The following FGF14 variants were observed in gnomAD, a reference collection of about 807,000 sequenced individuals.
FGF14 encodes the protein fibroblast growth factor homologous factor 4.
Under a neutral mutation model 25.5 loss-of-function variants are expected in FGF14, and 5 were observed. The ratio of observed to expected loss-of-function variants is 0.20; its 90% CI spans 0.10 to 0.41. The LOEUF is 0.41. Among genes scored for constraint, FGF14 ranks in the 10% least tolerant of loss-of-function variants. The pLI, the probability that FGF14 is intolerant of heterozygous loss-of-function variation, is 1.00. For synonymous variants in FGF14, 138 were observed against 118.3 expected, an observed-to-expected ratio of 1.17 and a Z score of -1.08; for missense variants, 222 against 320.1, an observed-to-expected ratio of 0.69 and a Z score of 2.34.
chr13:101,904,003 C>T (rs2031910036), intron 1 of FGF14, among the ~76,000 whole-genome samples: 1 of 152,216 alleles, frequency 6.6e-6, no homozygotes, highest in African/African-American at 2.4e-5. Flanking sequence ...CATATAATTG[C>T]TCTGGCAAAG....
intron 1 of FGF14, among the ~76,000 whole-genome samples, chr13:102,125,541 GTA>G (rs1013683235): frequency 1.3e-5 from 2 of 152,116 alleles, no homozygotes; most frequent in African/African-American, 4.8e-5. Flanking sequence ...AACTATTGCT[GTA>G]TGTGTGTCTC....
chr13:102,203,348 T>C (rs971917393), intron 1 of FGF14, among the ~76,000 whole-genome samples: 1 of 152,240 alleles, frequency 6.6e-6, no homozygotes, highest in African/African-American at 2.4e-5. Flanking sequence ...ACTTTTGTTA[T>C]AATTTTTATA....
intron 1 of FGF14, among the ~76,000 whole-genome samples, chr13:102,195,400 G>A (rs1203159904): frequency 2.0e-5 from 3 of 152,122 alleles, no homozygotes; most frequent in Non-Finnish European, 2.9e-5. Flanking sequence ...ATATACCACT[G>A]ACATTAAATT....
At chr13:102,234,430 A>T (rs2051234010) in intron 1 of FGF14, among the ~76,000 whole-genome samples, 1 of 75,812 alleles carries the variant, frequency 1.3e-5, no homozygotes, top group African/African-American at 5.8e-5. Flanking sequence ...GAAGATACTT[A>T]ATACCATGAA....
chr13:101,789,709 G>A (rs184598609), intron 3 of FGF14, among the ~76,000 whole-genome samples: 9 of 151,938 alleles, frequency 5.9e-5, no homozygotes, highest in East Asian at 1.9e-4. Flanking sequence ...GTGAGAAGAC[G>A]AATTTTAAAA....
chr13:102,171,892 GTT>G (rs11354485), intron 1 of FGF14, among the ~76,000 whole-genome samples: 5,987 of 145,850 alleles, frequency 0.041, 370 homozygotes, highest in African/African-American at 0.13. Flanking sequence ...AATATTCTAG[GTT>G]TTTTTTTTTT....
chr13:101,940,447 G>A (rs2035374294), intron 1 of FGF14, among the ~76,000 whole-genome samples: 1 of 152,192 alleles, frequency 6.6e-6, no homozygotes. Flanking sequence ...AGTACAGGCA[G>A]AGAGGGTGGC....
chr13:102,068,776 G>T lies in FGF14; in HGVS notation c.209-193480C>A, dbSNP rs2043019443. Among the ~76,000 whole-genome samples, 3 of 152,332 alleles carry T rather than the reference G, an allele frequency of 2.0e-5. No individual in the cohort carries two copies. The South Asian group carries it at 6.2e-4, about 32-fold the overall frequency. On this transcript the variant is annotated intron_variant, in intron 1 of 4. Coordinates refer to the FGF14 transcript ENST00000376131. ...TCCCACCCACTCCATGGGCTCCTGT[G>T]CGGCCCGAGCCTCCCCGACGAGCAC...
At chr13:101,788,730 C>CAGA (rs2039998635) in intron 3 of FGF14, among the ~76,000 whole-genome samples, 1 of 151,362 alleles carries the variant, frequency 6.6e-6, no homozygotes, top group South Asian at 2.1e-4. Flanking sequence ...TGATATTAAC[C>CAGA]AGAAGAATTT....
At chr13:101,900,966 C>G (rs1032891582) in intron 1 of FGF14, among the ~76,000 whole-genome samples, 1 of 152,096 alleles carries the variant, frequency 6.6e-6, no homozygotes, top group African/African-American at 2.4e-5. Context: ...GTGCTCTACT[C>G]TAGGAATTTT....
chr13:101,743,998 G>T (rs1463675445), intron 3 of FGF14, among the ~76,000 whole-genome samples: 7 of 152,046 alleles, frequency 4.6e-5, no homozygotes, highest in Admixed American at 4.6e-4. Context: ...AAGAGTTAAG[G>T]ATCCTAAGGA....
intron 1 of FGF14, among the ~76,000 whole-genome samples, chr13:102,119,886 T>C (rs1272142826): frequency 6.6e-6 from 1 of 152,102 alleles, no homozygotes; most frequent in Non-Finnish European, 1.5e-5. Flanking sequence ...CCCAGAGAGA[T>C]TCAGATGAGC....
At position 101,722,650 on chromosome 13, in the gene FGF14, G is replaced by C. The variant is rs372901165; in HGVS notation, c.*181C>G. 56 of 753,828 alleles carry C rather than the reference G, an allele frequency of 7.4e-5. No homozygotes were observed. Among genetic ancestry groups the C allele is most frequent in the African/African-American group, 5.2e-4 (30 of 57,400 alleles). 46.7% of individuals were successfully genotyped at this position (753,828 alleles called of 1,614,324 possible). A position where few individuals can be genotyped will look rare whatever the true frequency, so the allele number is the denominator to read the frequency against. On this transcript the variant is annotated 3_prime_UTR_variant, in exon 5 of 5. Transcript: ENST00000376143. ...TAGCTGGTTATCCAGGTGTCTTCTT[G>C]TTGTGGGGGGTGCAACAGGTTGAGA...
intron 3 of FGF14, among the ~76,000 whole-genome samples, chr13:101,844,530 A>G (rs1402871355): frequency 1.3e-5 from 2 of 152,042 alleles, no homozygotes; most frequent in Non-Finnish European, 2.9e-5. Context: ...CTCTTACAGT[A>G]TGGCTGAGCT....
At chr13:101,760,409 A>T (rs2037942043) in intron 3 of FGF14, among the ~76,000 whole-genome samples, 1 of 152,202 alleles carries the variant, frequency 6.6e-6, no homozygotes, top group Non-Finnish European at 1.5e-5. Flanking sequence ...ATGCCTATTC[A>T]CATGATAATT....
chr13:102,034,065 G>A (rs1272404441), intron 1 of FGF14, among the ~76,000 whole-genome samples: 1 of 152,028 alleles, frequency 6.6e-6, no homozygotes, highest in Non-Finnish European at 1.5e-5. Context: ...CTTCTTTCTG[G>A]GATCAATGCA....
At chr13:102,399,430 C>T (rs560421651) in intron 1 of FGF14, among the ~76,000 whole-genome samples, 20 of 152,320 alleles carry the variant, frequency 1.3e-4, no homozygotes, top group African/African-American at 4.6e-4. Context: ...CAAAAGACCA[C>T]CATTTTTGCA....
intron 1 of FGF14, among the ~76,000 whole-genome samples, chr13:102,182,916 G>C (rs2048733963): frequency 6.6e-6 from 1 of 152,146 alleles, no homozygotes. Flanking sequence ...TGTGAAGCTT[G>C]TGATGTGCCA....
At chr13:102,076,240 C>T (rs2043357835) in intron 1 of FGF14, among the ~76,000 whole-genome samples, 1 of 152,094 alleles carries the variant, frequency 6.6e-6, no homozygotes, top group African/African-American at 2.4e-5. Context: ...GGTAAGTGCC[C>T]TAGGCAGGTG....
Sources: allele counts gnomAD v4.1 joint callset (sites outside exome capture counted in the v4.1 genomes callset), GRCh38; gene constraint gnomAD v4.1.1; transcripts MANE v1.5; gene names NCBI Gene and HGNC (gene_info 2026-07-23, HGNC 2026-07-21).